Variants in AP2M1 observed in about 807,000 individuals in gnomAD.
The protein encoded by AP2M1 is adaptor related protein complex 2 subunit mu 1, also known as AP-2 complex subunit mu.
AP2M1 carries 5 observed loss-of-function variants against 54.5 expected under a neutral mutation model. The ratio of observed to expected loss-of-function variants is 0.09; its 90% confidence interval spans 0.05 to 0.19. AP2M1 has a LOEUF of 0.19. AP2M1 is among the 10% of genes least tolerant of loss of function. The pLI is 1.00. For missense variants in AP2M1, 178 were observed against 580.2 expected (o/e 0.31, Z 7.12); for synonymous variants, 186 against 208.2 (o/e 0.89, Z 0.92).
In AP2M1 at chr3:184,183,449, A is replaced by C. The variant is rs1246201036; in HGVS notation, c.1174-33A>C. On this transcript the variant is annotated intron_variant, in intron 11 of 11. Transcript: ENST00000292807. This position sits in a 1 kb window ranked among gnomAD's most constrained non-coding sequence, Gnocchi z 5.7. Reference sequence around the variant, plus strand: ...CCAGAGGAGAGCGGCTGTAAGAGGAAGGCCACATTTCTAACTAGCTCTCCT... The same window carrying C: ...CCAGAGGAGAGCGGCTGTAAGAGGACGGCCACATTTCTAACTAGCTCTCCT... The C allele has an allele frequency of 1.2e-6, 2 of 1,613,166 alleles. No homozygotes were observed. Among genetic ancestry groups the C allele is most frequent in the Non-Finnish European group, 1.7e-6 (2 of 1,179,672 alleles).
At chr3:184,176,686 G>C (rs1715084387) in intron 1 of AP2M1, 1 of 453,300 alleles carries the variant, frequency 2.2e-6, no homozygotes, top group African/African-American at 2.0e-5. Flanking sequence ...GGGGGCGGGG[G>C]TTACTGATGC....
In AP2M1 at chr3:184,182,650, C is replaced by T; in HGVS notation, c.1062-107C>T. On this transcript the variant is annotated intron_variant, in intron 10 of 11. Transcript: ENST00000292807. This position sits in a 1 kb window ranked among gnomAD's most constrained non-coding sequence, Gnocchi z 5.5. ...AGGGTCCTGACCACTTCTCCTTGTT[C>T]TGGCACCTCCTGCAAGCTCCTGGGC... is the stretch of plus-strand genomic sequence containing the variant. 1.1e-6 allele frequency: 1 copy of T among 893,770 alleles called. No individual in the cohort carries two copies. The highest frequency in any genetic ancestry group is 1.8e-6 in the Non-Finnish European group (1 of 570,908). The allele number at this position is 893,770 out of a possible 1,614,324, so 55.4% of individuals were successfully genotyped here. A position where few individuals can be genotyped will look rare whatever the true frequency, so the allele number is the denominator to read the frequency against.
intron 2 of AP2M1, chr3:184,177,524 C>T (rs1715113574): frequency 6.5e-7 from 1 of 1,535,238 alleles, no homozygotes; most frequent in African/African-American, 1.4e-5. Flanking sequence ...GCCCAATCCT[C>T]TCCTGCTCCC....
At chr3:184,177,422 G>C (rs1429226739) in intron 2 of AP2M1, 2 of 910,394 alleles carry the variant, frequency 2.2e-6, no homozygotes, top group Admixed American at 2.4e-5. Context: ...TAGTGGCCAC[G>C]CTGGAGGCAC....
In AP2M1 at chr3:184,178,213, C is replaced by A. The variant is rs747712749; in HGVS notation, c.75-644C>A. 1.3e-6 allele frequency: 2 copies of A among 1,536,116 alleles called. No individual in the cohort carries two copies. Among genetic ancestry groups the A allele is most frequent in the South Asian group, 2.4e-5 (2 of 84,064 alleles). On this transcript the variant is annotated intron_variant, in intron 2 of 11. Transcript: ENST00000292807. The surrounding 1 kb of genome is among the most constrained non-coding windows in gnomAD (Gnocchi z 4.9). Reference sequence around the variant, plus strand: ...TCTCTCATCCCATCTCATTGGCTGCCGTAGCAATAGGTAAGCGGCCTCTCA... The same window carrying A: ...TCTCTCATCCCATCTCATTGGCTGCAGTAGCAATAGGTAAGCGGCCTCTCA...
chr3:184,176,032 TTA>T (rs1243901071), intron 1 of AP2M1, among the ~76,000 whole-genome samples: 13 of 152,386 alleles, frequency 8.5e-5, no homozygotes, highest in Non-Finnish European at 4.4e-5. Context: ...ACAGTCTAAA[TTA>T]ATTTGACCCA....
rs202236381 is a variant in AP2M1, at chr3:184,183,490, C to T, written c.1182C>T (p.Phe394=). Residue 394 remains phenylalanine, a synonymous_variant, in exon 12 of 12, where the codon TTC becomes TTT. Coordinates refer to ENST00000292807, the MANE Select transcript of AP2M1 (RefSeq NM_004068.4). This position sits in a 1 kb window ranked among gnomAD's most constrained non-coding sequence, Gnocchi z 5.7. The part of the protein sequence containing the change: ...PPISMNFEVP[F]APSGLKVRYL... ...TAGCTCTCCTTGCCCAGGTGCCATTCGCGCCCTCTGGCCTCAAGGTGCGCT... is the reference window on the plus strand; with the variant it reads ...TAGCTCTCCTTGCCCAGGTGCCATTTGCGCCCTCTGGCCTCAAGGTGCGCT... 1,160 of 1,614,060 alleles carry T rather than the reference C, an allele frequency of 7.2e-4. 2 individuals carry two copies. The highest frequency in any genetic ancestry group is 9.1e-4 in the Non-Finnish European group (1,078 of 1,180,036).
chr3:184,181,570 G>A lies in AP2M1; in HGVS notation c.708-126G>A, dbSNP rs867315334. ...ATCCCAAGCTCTGGGGCAGACCTCC[G>A]AGTCACAAAGCTGCATTCTAGCAGC... On this transcript the variant is annotated intron_variant, in intron 7 of 11. Transcript: ENST00000292807. This position sits in a 1 kb window ranked among gnomAD's most constrained non-coding sequence, Gnocchi z 5.7. The A allele has an allele frequency of 1.4e-5, 19 of 1,336,042 alleles. No homozygotes were observed. Among genetic ancestry groups the A allele is most frequent in the East Asian group, 4.7e-5 (2 of 42,962 alleles). The allele number at this position is 1,336,042 out of a possible 1,614,324, so 82.8% of individuals were successfully genotyped here. A position where few individuals can be genotyped will look rare whatever the true frequency, so the allele number is the denominator to read the frequency against.
chr3:184,175,605 C>T (rs1715044843), intron 1 of AP2M1, among the ~76,000 whole-genome samples: 1 of 151,728 alleles, frequency 6.6e-6, no homozygotes, highest in East Asian at 2.0e-4. Context: ...CTTTTCCATA[C>T]TGGAAACCCT....
Position 184,182,186 on chromosome 3 carries a change from G to A in AP2M1, c.999G>A (p.Val333=), listed in dbSNP as rs1222583276. The A allele has an allele frequency of 1.9e-6, 3 of 1,614,208 alleles. No homozygotes were observed. The highest frequency in any genetic ancestry group is 1.7e-5 in the Admixed American group (1 of 60,028). ...CAACCCCACTGAACACAAGCGGGGTGCAGGTGATCTGCATGAAGGGGAAGG... is the reference window on the plus strand; with the variant it reads ...CAACCCCACTGAACACAAGCGGGGTACAGGTGATCTGCATGAAGGGGAAGG... ...RIPTPLNTSG[V]QVICMKGKAK... is the part of the protein sequence containing the mutation. The change falls in exon 10 of 12, where the codon GTG becomes GTA. Residue 333 remains valine (V), a synonymous_variant. Transcript: ENST00000292807. The surrounding 1 kb of genome is among the most constrained non-coding windows in gnomAD (Gnocchi z 5.5).
rs184613184 is a variant in AP2M1 at position 184,180,621 on chromosome 3, C to A, written c.424-24C>A. 4,681 of 1,613,826 alleles carry A rather than the reference C, an allele frequency of 2.9e-3. 13 individuals carry two copies. The highest frequency in any genetic ancestry group is 3.6e-3 in the Non-Finnish European group (4,300 of 1,180,048). ...CCTCCCTTGCTGCTTCATGTGGGCA[C>A]CTCGTTGGCCCTGCGGCCTCCAGCA... is the stretch of plus-strand genomic sequence containing the variant. On this transcript the variant is annotated intron_variant, in intron 4 of 11. Coordinates refer to ENST00000292807, the MANE Select transcript of AP2M1 (RefSeq NM_004068.4). The surrounding 1 kb of genome is among the most constrained non-coding windows in gnomAD (Gnocchi z 4.9).
rs137998821 is a variant in AP2M1, at chr3:184,178,232, C to T, written c.75-625C>T. ...GGCTGCCGTAGCAATAGGTAAGCGG[C>T]CTCTCAAGCTGCTGCCCAGGTACAG... is the stretch of plus-strand genomic sequence containing the variant. On this transcript the variant is annotated intron_variant, in intron 2 of 11. Coordinates refer to ENST00000292807, the MANE Select transcript of AP2M1 (RefSeq NM_004068.4). The surrounding 1 kb of genome is among the most constrained non-coding windows in gnomAD (Gnocchi z 4.9). 1.0e-4 allele frequency: 156 copies of T among 1,536,110 alleles called. No individual in the cohort carries two copies. In the African/African-American group the frequency reaches 1.9e-3, roughly 18 times the overall value.
At chr3:184,177,875 C>CAAA (rs1715127924) in intron 2 of AP2M1, 7 of 595,120 alleles carry the variant, frequency 1.2e-5, no homozygotes, top group Admixed American at 3.0e-5. Context: ...GGGCCTGTGG[C>CAAA]AGTGCTCTTC....
In AP2M1 at chr3:184,182,638, C is replaced by T; in HGVS notation, c.1062-119C>T. The T allele has an allele frequency of 5.0e-6, 4 of 796,778 alleles. No homozygotes were observed. The highest frequency in any genetic ancestry group is 8.2e-6 in the Non-Finnish European group (4 of 489,664). The allele number at this position is 796,778 out of a possible 1,614,324, so 49.4% of individuals were successfully genotyped here. ...CAAGTGGTTAGCAGGGTCCTGACCA[C>T]TTCTCCTTGTTCTGGCACCTCCTGC... On this transcript the variant is annotated intron_variant, in intron 10 of 11. Transcript: ENST00000292807. The surrounding 1 kb of genome is among the most constrained non-coding windows in gnomAD (Gnocchi z 5.5).
At chr3:184,179,446 C>T in intron 3 of AP2M1, 1 of 323,754 alleles carries the variant, frequency 3.1e-6, no homozygotes. Flanking sequence ...TAACTGTCCA[C>T]CCAGTTTTCC....
intron 1 of AP2M1, 114 bp from the exon 2 acceptor site, chr3:184,176,837 G>T: frequency 1.5e-6 from 1 of 649,564 alleles, no homozygotes; most frequent in East Asian, 3.1e-5. Context: ...GGGCTGCAGG[G>T]TCACTTACTA....
Position 184,176,993 on chromosome 3 carries a change from C to T in AP2M1, c.-1C>T. 6.2e-7 allele frequency: 1 copy of T among 1,613,854 alleles called. No homozygotes were observed. The highest frequency in any genetic ancestry group is 2.2e-5 in the East Asian group (1 of 44,884). On this transcript the variant is annotated 5_prime_UTR_variant, in exon 2 of 12. Coordinates refer to ENST00000292807, the MANE Select transcript of AP2M1 (RefSeq NM_004068.4). ...TGGGCCGCGGAGACTGATCTGCCGC[C>T]ATGATTGGAGGCTTATTCATCTATA... is the stretch of plus-strand genomic sequence containing the variant.
At position 184,180,299 on chromosome 3, in the gene AP2M1, T is replaced by G. The variant is rs1715228552; in HGVS notation, c.423+48T>G. The G allele has an allele frequency of 1.3e-6, 2 of 1,595,876 alleles. No individual in the cohort carries two copies. Among genetic ancestry groups the G allele is most frequent in the Non-Finnish European group, 1.7e-6 (2 of 1,166,034 alleles). Reference sequence around the variant, plus strand: ...AGTCAGGGTGGAGTCCAATCTCCCTTCATCTCAGCTGGCCCCTGAGCCTTG... The same window carrying G: ...AGTCAGGGTGGAGTCCAATCTCCCTGCATCTCAGCTGGCCCCTGAGCCTTG... On this transcript the variant is annotated intron_variant, in intron 4 of 11. Transcript: ENST00000292807. The surrounding 1 kb of genome is among the most constrained non-coding windows in gnomAD (Gnocchi z 4.9).
At position 184,179,082 on chromosome 3, in the gene AP2M1, C is replaced by T. The variant is rs766685109; in HGVS notation, c.300C>T (p.Asn100=). 1 of 1,614,106 alleles carries T rather than the reference C, an allele frequency of 6.2e-7. No individual in the cohort carries two copies. Among genetic ancestry groups the T allele is most frequent in the Admixed American group, 1.7e-5 (1 of 60,018 alleles). ...AAYFGKISEE[N]IKNNFVLIYE... ...ACTTTGGCAAGATCAGCGAGGAAAA[C>T]ATCAAGAACAATTTTGTGCTCATAT... The change falls in exon 3 of 12, where the codon AAC becomes AAT. Residue 100 remains asparagine (N), a synonymous_variant. Coordinates refer to ENST00000292807, the MANE Select transcript of AP2M1 (RefSeq NM_004068.4).
Sources: allele counts gnomAD v4.1 joint callset (sites outside exome capture counted in the v4.1 genomes callset), GRCh38; gene constraint gnomAD v4.1.1; non-coding constraint Gnocchi (gnomAD v3.1); transcripts MANE v1.5; gene names NCBI Gene and HGNC (gene_info 2026-07-23, HGNC 2026-07-21).